The following VRK2 variants were observed in gnomAD, a reference collection of about 807,000 sequenced individuals.
The protein encoded by VRK2 is VRK serine/threonine kinase 2.
A neutral mutation model predicts 57.6 loss-of-function variants in VRK2; 60 were observed. That is an observed-to-expected ratio of 1.04 (90% confidence interval 0.85 to 1.29). The LOEUF is 1.29. Ranked by LOEUF, VRK2 falls within the 50% of genes most tolerant of loss-of-function variation. The probability of loss-of-function intolerance (pLI) is 0.00; values close to 1 mark genes in which losing one functional copy is unlikely to be tolerated. For missense variants in VRK2, 705 were observed against 588.1 expected, an observed-to-expected ratio of 1.20 and a Z score of -2.06; for synonymous variants, 231 against 199.2, an observed-to-expected ratio of 1.16 and a Z score of -1.35.
rs575760241 is a variant in VRK2 at position 58,051,489 on chromosome 2, C to G, written c.136+2522C>G. Reference sequence around the variant, plus strand: ...CAAACAAATCAATATGAAATTACATCATGTTTTTGCATTTTATCATGGTTC... The same window carrying G: ...CAAACAAATCAATATGAAATTACATGATGTTTTTGCATTTTATCATGGTTC... On this transcript the variant is annotated intron_variant, in intron 2 of 12. Transcript: ENST00000340157. Among the ~76,000 whole-genome samples, 519 of 152,278 alleles carry G rather than the reference C, an allele frequency of 3.4e-3. 8 individuals carry two copies. Among genetic ancestry groups the G allele is most frequent in the African/African-American group, 0.012 (494 of 41,548 alleles).
intron 8 of VRK2, among the ~76,000 whole-genome samples, chr2:58,131,141 A>G (rs916456914): frequency 6.6e-5 from 10 of 152,026 alleles, no homozygotes; most frequent in African/African-American, 2.4e-4. Context: ...CCTCCGTTTT[A>G]TATAGATATG....
At chr2:57,970,880 T>C (rs1672075206) in intron 1 of VRK2, among the ~76,000 whole-genome samples, 1 of 152,062 alleles carries the variant, frequency 6.6e-6, no homozygotes, top group Non-Finnish European at 1.5e-5. Context: ...TATCTTTAAA[T>C]ATTTCATAAG....
At chr2:57,935,724 G>C (rs911402019) in intron 1 of VRK2, among the ~76,000 whole-genome samples, 3 of 152,174 alleles carry the variant, frequency 2.0e-5, no homozygotes, top group African/African-American at 4.8e-5. Flanking sequence ...TAATAAAAAA[G>C]TATACCTTTT....
At chr2:57,998,064 A>ATCACC in intron 1 of VRK2, among the ~76,000 whole-genome samples, 1 of 152,332 alleles carries the variant, frequency 6.6e-6, no homozygotes, top group East Asian at 1.9e-4. Flanking sequence ...CTGGCTACAT[A>ATCACC]TCACCTCTGT....
chr2:58,135,224 T>G, intron 10 of VRK2, 25 bp downstream of exon 10: 1 of 1,613,624 alleles, frequency 6.2e-7, no homozygotes, highest in Non-Finnish European at 8.5e-7. Flanking sequence ...AACTTCAACC[T>G]TCTCTTACGA....
intron 7 of VRK2, among the ~76,000 whole-genome samples, chr2:58,097,556 T>A (rs1225925676): frequency 6.6e-6 from 1 of 152,132 alleles, no homozygotes; most frequent in East Asian, 1.9e-4. Flanking sequence ...AAAATTAAAA[T>A]TTAAAATTAA....
Position 57,943,435 on chromosome 2 carries a change from G to A in VRK2, c.-439+35596G>A, listed in dbSNP as rs72947165. On this transcript the variant is annotated intron_variant, in intron 1 of 15. Transcript: ENST00000417641. ...CAGGCTGTTTCAAAATCAGGGAATGGAATGTCTTGCTTCTCTCTTGAGGCC... is the reference window on the plus strand; with the variant it reads ...CAGGCTGTTTCAAAATCAGGGAATGAAATGTCTTGCTTCTCTCTTGAGGCC... 4.3e-3 allele frequency among the ~76,000 whole-genome samples: 651 copies of A among 152,288 alleles called. 8 individuals carry two copies. The highest frequency in any genetic ancestry group is 0.015 in the African/African-American group (625 of 41,566).
intron 2 of VRK2, among the ~76,000 whole-genome samples, chr2:58,078,243 A>C (rs910765651): frequency 3.3e-5 from 5 of 152,074 alleles, no homozygotes; most frequent in African/African-American, 1.2e-4. Context: ...GTAGAATCAT[A>C]TAGTATTTGT....
chr2:58,137,224 CATATGATACATATATATCATATATATG>C (rs1680625939), intron 10 of VRK2, among the ~76,000 whole-genome samples: 9 of 65,146 alleles, frequency 1.4e-4, no homozygotes, highest in South Asian at 5.1e-4. Flanking sequence ...ACATATATAT[CATATGATACATATATATCATATATATG>C]ATATATATGA....
intron 12 of VRK2, among the ~76,000 whole-genome samples, chr2:58,155,028 G>T (rs1683586406): frequency 6.6e-6 from 1 of 152,032 alleles, no homozygotes. Context: ...GTTAGGGTTT[G>T]TTTTATGGAT....
At chr2:57,962,731 T>A (rs1671799723) in intron 1 of VRK2, among the ~76,000 whole-genome samples, 2 of 152,248 alleles carry the variant, frequency 1.3e-5, no homozygotes. Context: ...TAAAATTTCT[T>A]ATGGCAGAAA....
chr2:58,159,553 G>A lies in VRK2; in HGVS notation c.1387G>A (p.Asp463Asn). Reference sequence around the variant, plus strand: ...TTCCACAGTCAGCACGGGGATCACAGACTTAGAAAGTTCAACTGGACTTTG... The same window carrying A: ...TTCCACAGTCAGCACGGGGATCACAAACTTAGAAAGTTCAACTGGACTTTG... Reference protein sequence around the residue: ...YTSTVSTGITDLESSTGLWPT... With the variant: ...YTSTVSTGITNLESSTGLWPT... The change falls in exon 13 of 13, where the codon GAC (aspartate) becomes AAC (asparagine). Residue 463 changes from aspartate (D) to asparagine (N), a missense_variant. Coordinates refer to ENST00000340157, the MANE Select transcript of VRK2 (RefSeq NM_006296.7). 6.2e-7 allele frequency: 1 copy of A among 1,613,798 alleles called. No individual in the cohort carries two copies. The highest frequency in any genetic ancestry group is 8.5e-7 in the Non-Finnish European group (1 of 1,179,812).
intron 1 of VRK2, among the ~76,000 whole-genome samples, chr2:57,918,600 G>T (rs1484469642): frequency 6.6e-6 from 1 of 152,050 alleles, no homozygotes; most frequent in African/African-American, 2.4e-5. Context: ...TGAATAGTGA[G>T]TGGGACAAGT....
chr2:58,150,897 AG>A (rs1682923005), intron 12 of VRK2, among the ~76,000 whole-genome samples: 1 of 151,492 alleles, frequency 6.6e-6, no homozygotes, highest in Non-Finnish European at 1.5e-5. Context: ...ATTATTTATT[AG>A]TATGTTATTT....
intron 1 of VRK2, among the ~76,000 whole-genome samples, chr2:57,924,271 A>G (rs1401367475): frequency 6.6e-6 from 1 of 152,044 alleles, no homozygotes. Context: ...AGTCATCGGT[A>G]TTTTGATAGG....
intron 7 of VRK2, among the ~76,000 whole-genome samples, chr2:58,090,686 A>G (rs1393721578): frequency 6.6e-6 from 1 of 152,150 alleles, no homozygotes; most frequent in African/African-American, 2.4e-5. Context: ...TTAACATACC[A>G]AGCAGCAGTT....
At chr2:58,156,535 T>A (rs138390985) in intron 12 of VRK2, among the ~76,000 whole-genome samples, 5 of 152,306 alleles carry the variant, frequency 3.3e-5, no homozygotes, top group Non-Finnish European at 5.9e-5. Context: ...ACTATTTTTT[T>A]AAATCAGTCT....
intron 2 of VRK2, among the ~76,000 whole-genome samples, chr2:58,074,095 A>G (rs2104015769): frequency 6.6e-6 from 1 of 152,236 alleles, no homozygotes; most frequent in Admixed American, 6.5e-5. Flanking sequence ...GTTTGATATT[A>G]GTATAGCTAC....
intron 7 of VRK2, among the ~76,000 whole-genome samples, chr2:58,096,216 A>C (rs750666645): frequency 3.9e-5 from 6 of 152,052 alleles, no homozygotes; most frequent in Admixed American, 1.3e-4. Flanking sequence ...GATATTCGTA[A>C]GTGATATTGA....
Sources: allele counts gnomAD v4.1 joint callset (sites outside exome capture counted in the v4.1 genomes callset), GRCh38; gene constraint gnomAD v4.1.1; transcripts MANE v1.5; gene names NCBI Gene and HGNC (gene_info 2026-07-23, HGNC 2026-07-21).